The following GFRAL variants were observed in gnomAD, a reference collection of about 807,000 sequenced individuals.
GFRAL encodes the protein GDNF family receptor alpha-like.
A neutral mutation model predicts 45.4 loss-of-function variants in GFRAL; 36 were observed. The ratio of observed to expected loss-of-function variants is 0.79; its 90% CI spans 0.61 to 1.05. The LOEUF is 1.05. GFRAL is among the 50% of genes least tolerant of loss of function. The pLI, the probability that GFRAL is intolerant of heterozygous loss-of-function variation, is 0.00. For synonymous variants in GFRAL, 166 were observed against 154.1 expected, an observed-to-expected ratio of 1.08 and a Z score of -0.57; for missense variants, 507 against 467.5, an observed-to-expected ratio of 1.08 and a Z score of -0.78.
rs181489766 is a variant in GFRAL, at chr6:55,359,619, C to T, written c.952+481C>T. ...TATAGTCATCTGGTATCTTTAGGCT[C>T]GGCTGAGGCTGTTTGGTCCAAGGTG... On this transcript the variant is annotated intron_variant, in intron 6 of 8. Transcript: ENST00000340465. Among the ~76,000 whole-genome samples the T allele has an allele frequency of 3.2e-3, 488 of 151,978 alleles. 5 individuals carry two copies. The highest frequency in any genetic ancestry group is 2.3e-3 in the Non-Finnish European group (154 of 67,922).
intron 6 of GFRAL, among the ~76,000 whole-genome samples, chr6:55,378,065 G>A (rs1174021683): frequency 2.6e-5 from 4 of 152,024 alleles, no homozygotes; most frequent in African/African-American, 7.2e-5. Flanking sequence ...CTGATTTGGG[G>A]TGACCCCACT....
At chr6:55,360,669 A>G (rs6934351) in intron 6 of GFRAL, among the ~76,000 whole-genome samples, 28,929 of 151,942 alleles carry the variant, frequency 0.19, 3,169 homozygotes, top group African/African-American at 0.3. Flanking sequence ...TTGAAGTGTT[A>G]TATAAGTCAT....
At chr6:55,359,483 C>T (rs1389170439) in intron 6 of GFRAL, among the ~76,000 whole-genome samples, 1 of 151,920 alleles carries the variant, frequency 6.6e-6, no homozygotes, top group African/African-American at 2.4e-5. Flanking sequence ...TACTAAGTAA[C>T]AAAACAATGG....
chr6:55,352,377 A>G (rs1432488897), intron 5 of GFRAL, among the ~76,000 whole-genome samples: 1 of 152,134 alleles, frequency 6.6e-6, no homozygotes, highest in Non-Finnish European at 1.5e-5. Context: ...AAGAGTGACA[A>G]AAACAAAGAT....
At chr6:55,365,063 A>T (rs1036367661) in intron 6 of GFRAL, among the ~76,000 whole-genome samples, 39 of 151,030 alleles carry the variant, frequency 2.6e-4, no homozygotes, top group Admixed American at 2.1e-3. Flanking sequence ...GATTCTTCCT[A>T]CCCATGAGCA....
chr6:55,392,958 A>G (rs1441332653), intron 6 of GFRAL, among the ~76,000 whole-genome samples: 2 of 152,218 alleles, frequency 1.3e-5, no homozygotes, highest in Non-Finnish European at 2.9e-5. Context: ...GCTCCCAGAA[A>G]AACATATGAA....
At position 55,367,138 on chromosome 6, in the gene GFRAL, A is replaced by C. The variant is rs1171501999; in HGVS notation, c.952+8000A>C. Among the ~76,000 whole-genome samples, 6 of 107,060 alleles carry C rather than the reference A, an allele frequency of 5.6e-5. No homozygotes were observed. In the Admixed American group the frequency reaches 5.7e-4, roughly 10 times the overall value. 70.2% of individuals were successfully genotyped at this position (107,060 alleles called of 152,430 possible). A position where few individuals can be genotyped will look rare whatever the true frequency, so the allele number is the denominator to read the frequency against. Reference sequence around the variant, plus strand: ...ATCTTGGTGCTCCTGTATTGGGTGCATATATATTTAGGATAGTTAGCTCTT... The same window carrying C: ...ATCTTGGTGCTCCTGTATTGGGTGCCTATATATTTAGGATAGTTAGCTCTT... On this transcript the variant is annotated intron_variant, in intron 6 of 8. Coordinates refer to ENST00000340465, the MANE Select transcript of GFRAL (RefSeq NM_207410.2).
At chr6:55,389,549 C>CA (rs34252535) in intron 6 of GFRAL, among the ~76,000 whole-genome samples, 9,516 of 151,830 alleles carry the variant, frequency 0.063, 480 homozygotes, top group African/African-American at 0.14. Context: ...TTAATCCTCA[C>CA]AAAAAAACAG....
intron 3 of GFRAL, among the ~76,000 whole-genome samples, chr6:55,344,616 T>G (rs1401234000): frequency 6.6e-6 from 1 of 152,194 alleles, no homozygotes; most frequent in East Asian, 1.9e-4. Flanking sequence ...AAGCATTCCC[T>G]TTGAAAACTG....
intron 6 of GFRAL, among the ~76,000 whole-genome samples, chr6:55,369,428 A>G (rs1272087657): frequency 6.6e-6 from 1 of 152,262 alleles, no homozygotes; most frequent in Non-Finnish European, 1.5e-5. Flanking sequence ...TCGGAGCTGT[A>G]GACCGGAGCT....
At chr6:55,328,561 T>C (rs1013643805) in intron 1 of GFRAL, among the ~76,000 whole-genome samples, 1 of 151,972 alleles carries the variant, frequency 6.6e-6, no homozygotes, top group Non-Finnish European at 1.5e-5. Context: ...ATTTTGCTTT[T>C]TGTAATTATT....
intron 6 of GFRAL, among the ~76,000 whole-genome samples, chr6:55,378,906 G>A (rs143788707): frequency 9.2e-5 from 14 of 152,048 alleles, no homozygotes; most frequent in South Asian, 2.1e-4. Flanking sequence ...TACTGGGTTC[G>A]TCTTTCTGGG....
At chr6:55,356,435 G>C (rs79867128) in intron 5 of GFRAL, among the ~76,000 whole-genome samples, 1 of 151,834 alleles carries the variant, frequency 6.6e-6, no homozygotes, top group Non-Finnish European at 1.5e-5. Context: ...GTTCAATCTT[G>C]GTAGGTTGTG....
chr6:55,379,195 T>A (rs1248926025), intron 6 of GFRAL, among the ~76,000 whole-genome samples: 2 of 151,924 alleles, frequency 1.3e-5, no homozygotes, highest in Non-Finnish European at 2.9e-5. Context: ...TGGGGGTACA[T>A]GTGAAGGTTT....
Position 55,327,529 on chromosome 6 carries a change from A to G in GFRAL, c.-26A>G. 4 of 1,611,726 alleles carry G rather than the reference A, an allele frequency of 2.5e-6. No homozygotes were observed. Among genetic ancestry groups the G allele is most frequent in the Non-Finnish European group, 3.4e-6 (4 of 1,178,692 alleles). On this transcript the variant is annotated 5_prime_UTR_variant, in exon 1 of 9. Coordinates refer to ENST00000340465, the MANE Select transcript of GFRAL (RefSeq NM_207410.2). Reference sequence around the variant, plus strand: ...AAGAAACGCATCTGCCTTTTTTTCCAGGTGAACTGCCGTGAGTTGTCCAGC... The same window carrying G: ...AAGAAACGCATCTGCCTTTTTTTCCGGGTGAACTGCCGTGAGTTGTCCAGC...
At chr6:55,385,837 T>C (rs1346523653) in intron 6 of GFRAL, among the ~76,000 whole-genome samples, 1 of 152,092 alleles carries the variant, frequency 6.6e-6, no homozygotes, top group Non-Finnish European at 1.5e-5. Context: ...AAATTAGTTA[T>C]CTTCTCCCTA....
chr6:55,395,543 C>G (rs1456673624), intron 6 of GFRAL, among the ~76,000 whole-genome samples: 1 of 151,532 alleles, frequency 6.6e-6, no homozygotes, highest in African/African-American at 2.4e-5. Context: ...TTCCCCCAAA[C>G]TGACTCTTCT....
intron 3 of GFRAL, among the ~76,000 whole-genome samples, chr6:55,341,524 C>T (rs1042449522): frequency 3.9e-5 from 6 of 152,162 alleles, no homozygotes; most frequent in African/African-American, 1.4e-4. Flanking sequence ...CCCATCTATA[C>T]ATCACCATCA....
chr6:55,361,210 A>T (rs1768271019), intron 6 of GFRAL, among the ~76,000 whole-genome samples: 1 of 152,010 alleles, frequency 6.6e-6, no homozygotes, highest in Non-Finnish European at 1.5e-5. Flanking sequence ...AGGAATTTCA[A>T]ATGACAGGAT....
Sources: gnomAD v4.1 joint callset for allele counts (sites outside exome capture counted in the v4.1 genomes callset) on GRCh38, gnomAD v4.1.1 for gene constraint, MANE v1.5 for transcripts, NCBI Gene and HGNC (gene_info 2026-07-23, HGNC 2026-07-21) for gene names.